Variants in BMPER observed in about 807,000 individuals in gnomAD.
BMPER encodes BMP-binding endothelial regulator protein.
BMPER carries 45 observed loss-of-function variants against 87.3 expected under a neutral mutation model. The ratio of observed to expected loss-of-function variants is 0.52; its 90% CI spans 0.41 to 0.66. BMPER has a LOEUF of 0.66. Among genes scored for constraint, BMPER ranks in the 30% least tolerant of loss-of-function variants. BMPER has a pLI of 0.00. For synonymous variants in BMPER, 326 were observed against 316.2 expected, an observed-to-expected ratio of 1.03 and a Z score of -0.33; for missense variants, 784 against 867.5, an observed-to-expected ratio of 0.90 and a Z score of 1.21.
In BMPER at chr7:33,911,114, T is replaced by G. The variant is rs563129906; in HGVS notation, c.219+4211T>G. Reference sequence around the variant, plus strand: ...CTTTTTCCAAGTTGTTTCAGGTCATTTCTAGACTTTGGATGCTCACTAAGG... The same window carrying G: ...CTTTTTCCAAGTTGTTTCAGGTCATGTCTAGACTTTGGATGCTCACTAAGG... On this transcript the variant is annotated intron_variant, in intron 2 of 14. Coordinates refer to ENST00000649409, the MANE Select transcript of BMPER (RefSeq NM_001365308.1). Among the ~76,000 whole-genome samples, 74 of 152,336 alleles carry G rather than the reference T, an allele frequency of 4.9e-4. No homozygotes were observed. The South Asian group carries it at 5.0e-3, about 10-fold the overall frequency.
At chr7:33,947,660 C>T (rs1323763934) in intron 3 of BMPER, among the ~76,000 whole-genome samples, 1 of 152,134 alleles carries the variant, frequency 6.6e-6, no homozygotes, top group Admixed American at 6.5e-5. Context: ...AATTAAAGAG[C>T]AAAACATGCA....
chr7:33,973,170 T>C (rs1487316015), intron 5 of BMPER, among the ~76,000 whole-genome samples: 1 of 152,186 alleles, frequency 6.6e-6, no homozygotes. Context: ...TAAAATTCAT[T>C]TAAGTGGTCA....
intron 6 of BMPER, among the ~76,000 whole-genome samples, chr7:34,013,564 A>G (rs1786939490): frequency 6.6e-6 from 1 of 151,882 alleles, no homozygotes; most frequent in South Asian, 2.1e-4. Flanking sequence ...GTAAGTGTAC[A>G]ATTCCATGAT....
At chr7:34,113,478 T>TATTTC in intron 13 of BMPER, among the ~76,000 whole-genome samples, 1 of 151,868 alleles carries the variant, frequency 6.6e-6, no homozygotes, top group East Asian at 1.9e-4. Flanking sequence ...TCATTTATTT[T>TATTTC]ATTTTATTTT....
At chr7:34,094,038 G>A (rs1352114626) in intron 13 of BMPER, among the ~76,000 whole-genome samples, 1 of 152,214 alleles carries the variant, frequency 6.6e-6, no homozygotes, top group Admixed American at 6.5e-5. Context: ...CAGCTAGCCT[G>A]ACAGGCACAC....
chr7:33,958,921 G>A (rs920937855), intron 3 of BMPER, among the ~76,000 whole-genome samples: 2 of 152,054 alleles, frequency 1.3e-5, no homozygotes, highest in African/African-American at 4.8e-5. Flanking sequence ...TGAATGGTGG[G>A]GGCAGTTTCC....
At chr7:34,025,231 T>TA (rs545193390) in intron 6 of BMPER, among the ~76,000 whole-genome samples, 97 of 152,194 alleles carry the variant, frequency 6.4e-4, no homozygotes, top group African/African-American at 2.2e-3. Flanking sequence ...TCAAATGACT[T>TA]ATAATATTTT....
At chr7:34,069,472 C>T (rs771714342) in intron 11 of BMPER, among the ~76,000 whole-genome samples, 5 of 152,168 alleles carry the variant, frequency 3.3e-5, no homozygotes, top group Non-Finnish European at 7.3e-5. Flanking sequence ...GATAAATGCT[C>T]TCCATTTTGC....
chr7:34,089,440 C>T (rs1789316333), intron 13 of BMPER, among the ~76,000 whole-genome samples: 1 of 151,978 alleles, frequency 6.6e-6, no homozygotes, highest in Non-Finnish European at 1.5e-5. Context: ...GACAATGTCT[C>T]TGAATTAGGT....
chr7:33,920,638 C>A (rs1381018651), intron 2 of BMPER, among the ~76,000 whole-genome samples: 3 of 151,858 alleles, frequency 2.0e-5, no homozygotes, highest in African/African-American at 7.3e-5. Context: ...GTTGGTCAGG[C>A]TGGTCTTGAA....
intron 6 of BMPER, among the ~76,000 whole-genome samples, chr7:33,991,695 T>C (rs917160430): frequency 4.0e-5 from 6 of 151,594 alleles, no homozygotes; most frequent in African/African-American, 1.2e-4. Flanking sequence ...TCTAGTTCTT[T>C]TAATTGTGAT....
intron 13 of BMPER, among the ~76,000 whole-genome samples, chr7:34,137,831 T>C (rs1258598186): frequency 6.6e-6 from 1 of 152,208 alleles, no homozygotes; most frequent in African/African-American, 2.4e-5. Context: ...GGCTGAAGTC[T>C]AGGCTGCTAG....
intron 13 of BMPER, among the ~76,000 whole-genome samples, chr7:34,129,854 T>TAAG (rs1459409244): frequency 7.9e-5 from 12 of 152,214 alleles, no homozygotes; most frequent in African/African-American, 2.9e-4. Context: ...TGCATTCAGT[T>TAAG]CTGCCTGCTT....
chr7:34,124,658 T>G (rs1790353159), intron 13 of BMPER, among the ~76,000 whole-genome samples: 1 of 152,184 alleles, frequency 6.6e-6, no homozygotes, highest in Admixed American at 6.5e-5. Context: ...TATTATTTGT[T>G]TTCTTGTGTA....
intron 14 of BMPER, 42 bp from the exon 15 acceptor site, chr7:34,153,050 G>A (rs746235487): frequency 5.6e-5 from 90 of 1,610,020 alleles, no homozygotes; most frequent in South Asian, 9.9e-5. Flanking sequence ...AATTAATGGG[G>A]CCTTTCTCCA....
chr7:33,969,410 A>ATT (rs1290326792), intron 4 of BMPER, among the ~76,000 whole-genome samples: 4 of 152,086 alleles, frequency 2.6e-5, no homozygotes, highest in Admixed American at 1.3e-4. Context: ...TTATTTATTT[A>ATT]TTTTTTTGAG....
intron 13 of BMPER, among the ~76,000 whole-genome samples, chr7:34,117,409 A>C (rs1790145546): frequency 6.6e-6 from 1 of 152,142 alleles, no homozygotes; most frequent in Non-Finnish European, 1.5e-5. Context: ...AGCTGTCAGG[A>C]GGATATATCA....
chr7:34,058,216 T>C (rs1788335590), intron 10 of BMPER, 53 bp downstream of exon 10: 1 of 1,523,614 alleles, frequency 6.6e-7, no homozygotes, highest in Non-Finnish European at 9.1e-7. Context: ...AAATGTCCTG[T>C]GTGTGGCACA....
chr7:34,107,659 G>T (rs946532858), intron 13 of BMPER, among the ~76,000 whole-genome samples: 1 of 152,104 alleles, frequency 6.6e-6, no homozygotes, highest in African/African-American at 2.4e-5. Flanking sequence ...TAAATCTAGG[G>T]CAGCTCTCTG....
Sources: allele counts gnomAD v4.1 joint callset (sites outside exome capture counted in the v4.1 genomes callset), GRCh38; gene constraint gnomAD v4.1.1; transcripts MANE v1.5; gene names NCBI Gene and HGNC (gene_info 2026-07-23, HGNC 2026-07-21).